SBF2: variants seen among roughly 807,000 people sequenced by gnomAD.
SBF2 encodes the protein myotubularin-related protein 13.
Under a neutral mutation model 225.2 loss-of-function variants are expected in SBF2, and 112 were observed. The observed-to-expected ratio is 0.50, with a 90% confidence interval of 0.43 to 0.58. The LOEUF (loss-of-function observed/expected upper bound fraction) is 0.58, where lower values mean the gene tolerates loss of function less well. Ranked by LOEUF, SBF2 falls within the 20% of genes least tolerant of loss-of-function variation. The pLI is 0.00. For missense variants in SBF2, 1,996 were observed against 2,206.2 expected (o/e 0.90, Z 1.91); for synonymous variants, 763 against 773.3 (o/e 0.99, Z 0.22).
chr11:9,792,286 C>T (rs1223291610), intron 33 of SBF2, among the ~76,000 whole-genome samples: 3 of 152,024 alleles, frequency 2.0e-5, no homozygotes, highest in Non-Finnish European at 4.4e-5. Context: ...CAAAAATCAG[C>T]TGGGTGTGGT....
chr11:9,823,523 A>G (rs1214943176), intron 28 of SBF2, among the ~76,000 whole-genome samples: 1 of 151,856 alleles, frequency 6.6e-6, no homozygotes, highest in East Asian at 1.9e-4. Flanking sequence ...AAAAAAGAAG[A>G]AGAAGAATTA....
chr11:9,794,054 A>G (rs1349440194), intron 33 of SBF2, among the ~76,000 whole-genome samples: 3 of 152,158 alleles, frequency 2.0e-5, no homozygotes, highest in African/African-American at 7.2e-5. Flanking sequence ...ATGGGGGCAC[A>G]TGCCTGTGGT....
chr11:10,177,381 A>C (rs1439155075), intron 2 of SBF2, among the ~76,000 whole-genome samples: 1 of 146,540 alleles, frequency 6.8e-6, no homozygotes, highest in Non-Finnish European at 1.5e-5. Flanking sequence ...CTATTCAATT[A>C]GGAAAAGAGG....
chr11:9,908,001 T>C (rs1590398453), intron 16 of SBF2, among the ~76,000 whole-genome samples: 1 of 152,228 alleles, frequency 6.6e-6, no homozygotes, highest in Non-Finnish European at 1.5e-5. Context: ...GTATTTGTGC[T>C]TGAAACCTCA....
At chr11:10,203,143 C>G (rs571517906) in intron 1 of SBF2, among the ~76,000 whole-genome samples, 14 of 152,062 alleles carry the variant, frequency 9.2e-5, no homozygotes, top group East Asian at 1.9e-4. Flanking sequence ...AGGTGGGAAT[C>G]TAGGGAACCC....
chr11:9,787,777 A>G (rs113354114), intron 35 of SBF2, 39 bp from the exon 36 acceptor site: 15 of 1,566,464 alleles, frequency 9.6e-6, no homozygotes, highest in African/African-American at 5.4e-5. Flanking sequence ...AGTATTTCAT[A>G]GAAATCAGGA....
At chr11:9,922,708 A>G (rs1863727702) in intron 16 of SBF2, among the ~76,000 whole-genome samples, 1 of 151,990 alleles carries the variant, frequency 6.6e-6, no homozygotes, top group Admixed American at 6.6e-5. Flanking sequence ...GTAACTGAGC[A>G]CCCCCATTTT....
intron 2 of SBF2, among the ~76,000 whole-genome samples, chr11:10,166,214 T>C (rs1016805577): frequency 1.3e-5 from 2 of 152,186 alleles, no homozygotes; most frequent in African/African-American, 4.8e-5. Flanking sequence ...AAGGGTATTG[T>C]ATACAAACTT....
At chr11:10,286,646 C>T (rs1451336715) in intron 1 of SBF2, among the ~76,000 whole-genome samples, 2 of 152,114 alleles carry the variant, frequency 1.3e-5, no homozygotes, top group African/African-American at 2.4e-5. Context: ...GTGTGAGCCA[C>T]GGCACCCAGC....
chr11:10,123,744 G>C (rs920447161), intron 2 of SBF2, among the ~76,000 whole-genome samples: 1 of 151,450 alleles, frequency 6.6e-6, no homozygotes, highest in Non-Finnish European at 1.5e-5. Context: ...TTTATTGTCT[G>C]CATTATTCAG....
At chr11:9,845,497 G>A in intron 24 of SBF2, 68 bp downstream of exon 24, 2 of 1,409,846 alleles carry the variant, frequency 1.4e-6, no homozygotes, top group South Asian at 2.3e-5. Flanking sequence ...TGGACACAAA[G>A]GATAGGTTAC....
At chr11:10,078,759 C>A (rs1048233890) in intron 2 of SBF2, among the ~76,000 whole-genome samples, 1 of 151,986 alleles carries the variant, frequency 6.6e-6, no homozygotes, top group African/African-American at 2.4e-5. Context: ...GCACATGTAC[C>A]CCAGAACTTA....
chr11:9,796,241 G>T (rs1225063766), intron 32 of SBF2, among the ~76,000 whole-genome samples: 1 of 151,934 alleles, frequency 6.6e-6, no homozygotes, highest in Admixed American at 6.6e-5. Flanking sequence ...TTACAATTGA[G>T]AAAGCATAGG....
At position 9,832,263 on chromosome 11, in the gene SBF2, C is replaced by T. The variant is rs1410454526; in HGVS notation, c.3613G>A (p.Val1205Ile). The T allele has an allele frequency of 3.7e-6, 6 of 1,614,090 alleles. No homozygotes were observed. In the African/African-American group the frequency reaches 8.0e-5, roughly 22 times the overall value. Residue 1205 changes from valine to isoleucine, a missense_variant, in exon 27 of 40, where the codon GTC becomes ATC. Transcript: ENST00000256190. ...TTCTGAGATTTGAAAAGACCAACGA[C>T]TCCCTTCCCATGGAATCCTCCAGAT... is the stretch of plus-strand genomic sequence containing the variant. ...LRSGGFHGKG[V>I]VGLFKSQNSP...
intron 1 of SBF2, among the ~76,000 whole-genome samples, chr11:10,270,862 G>T (rs1455399066): frequency 6.6e-6 from 1 of 151,872 alleles, no homozygotes; most frequent in Admixed American, 6.6e-5. Context: ...AAGCCTGGTG[G>T]CGGGGGCCTG....
At chr11:9,874,591 A>G (rs1590291623) in intron 17 of SBF2, among the ~76,000 whole-genome samples, 1 of 152,200 alleles carries the variant, frequency 6.6e-6, no homozygotes, top group Admixed American at 6.5e-5. Context: ...GGGTGCATTT[A>G]AACTGTAACT....
intron 16 of SBF2, among the ~76,000 whole-genome samples, chr11:9,936,606 T>C (rs532144252): frequency 2.0e-5 from 3 of 152,296 alleles, no homozygotes; most frequent in African/African-American, 7.2e-5. Context: ...ATATACACCA[T>C]GGAATACTAT....
At chr11:9,812,827 C>T in intron 29 of SBF2, 119 bp from the exon 30 acceptor site, 4 of 966,408 alleles carry the variant, frequency 4.1e-6, no homozygotes, top group Non-Finnish European at 6.4e-6. Context: ...GCAGAGGCTG[C>T]CAATGGGTCA....
At chr11:10,006,275 C>T (rs1205739028) in intron 6 of SBF2, among the ~76,000 whole-genome samples, 3 of 152,202 alleles carry the variant, frequency 2.0e-5, no homozygotes, top group Non-Finnish European at 4.4e-5. Flanking sequence ...CATGGGCTCC[C>T]TTGTGGCTAT....
Sources: allele counts gnomAD v4.1 joint callset (sites outside exome capture counted in the v4.1 genomes callset), GRCh38; gene constraint gnomAD v4.1.1; transcripts MANE v1.5; gene names NCBI Gene and HGNC (gene_info 2026-07-23, HGNC 2026-07-21).